Variants in ARHGAP42 observed in about 807,000 individuals in gnomAD.
ARHGAP42 encodes rho GTPase-activating protein 42.
ARHGAP42 carries 63 observed loss-of-function variants against 125.0 expected under a neutral mutation model. The ratio of observed to expected loss-of-function variants is 0.50; its 90% CI spans 0.41 to 0.62. The LOEUF (loss-of-function observed/expected upper bound fraction) is 0.62, where lower values mean the gene tolerates loss of function less well. ARHGAP42 is among the 20% of genes least tolerant of loss of function. The probability of loss-of-function intolerance (pLI) is 0.00; values close to 1 mark genes in which losing one functional copy is unlikely to be tolerated. For missense variants in ARHGAP42, 766 were observed against 1,024.2 expected (o/e 0.75, Z 3.44); for synonymous variants, 339 against 351.0 (o/e 0.97, Z 0.38).
rs869260353 is a variant in ARHGAP42 at position 100,827,002 on chromosome 11, C to CTTTT, written c.312+31857_312+31860dup. 3.4e-3 allele frequency among the ~76,000 whole-genome samples: 271 copies of CTTTT among 80,872 alleles called. 1 individual carries two copies. The highest frequency in any genetic ancestry group is 4.5e-3 in the Non-Finnish European group (199 of 44,146). 53.1% of individuals were successfully genotyped at this position (80,872 alleles called of 152,430 possible). The stretch of plus-strand genomic sequence containing the variant: ...TGAATTTTGTTGTGAGCCTTACATC[C>CTTTT]TTTTTTTTTTTTTTTTTTTTTTTTG... On this transcript the variant is annotated intron_variant, in intron 3 of 23. Coordinates refer to ENST00000298815, the MANE Select transcript of ARHGAP42 (RefSeq NM_152432.4).
rs560522074 is a variant in ARHGAP42, at chr11:100,890,812, G to T, written c.385-22640G>T. On this transcript the variant is annotated intron_variant, in intron 4 of 23. Coordinates refer to ENST00000298815, the MANE Select transcript of ARHGAP42 (RefSeq NM_152432.4). The stretch of plus-strand genomic sequence containing the variant: ...CATAGTCCTTATGGCTGAAGAATGG[G>T]CTATTCTGTTATTATCAAGGATACT... Among the ~76,000 whole-genome samples the T allele has an allele frequency of 2.0e-5, 3 of 152,260 alleles. No homozygotes were observed. The South Asian group carries it at 6.2e-4, about 32-fold the overall frequency.
rs11824512 is a variant in ARHGAP42, at chr11:100,694,997, C to T, written c.154+7165C>T. Among the ~76,000 whole-genome samples the T allele has an allele frequency of 3.1e-3, 470 of 152,354 alleles. 1 individual carries two copies. The highest frequency in any genetic ancestry group is 0.01 in the African/African-American group (418 of 41,584). ...AGTGAGCTGAGATCGCGCCATTGCG[C>T]TCCAGCCTGGTTGACAGAGTGAGAC... On this transcript the variant is annotated intron_variant, in intron 1 of 23. Transcript: ENST00000298815.
intron 21 of ARHGAP42, 24 bp downstream of exon 21, chr11:100,976,995 CTG>C: frequency 6.5e-7 from 1 of 1,550,336 alleles, no homozygotes; most frequent in Non-Finnish European, 8.7e-7. Context: ...TGTATATTTG[CTG>C]TGTCTCCCAG....
rs962055204 is a variant in ARHGAP42 at position 100,820,949 on chromosome 11, T to C, written c.312+25783T>C. On this transcript the variant is annotated intron_variant, in intron 3 of 23. Coordinates refer to ENST00000298815, the MANE Select transcript of ARHGAP42 (RefSeq NM_152432.4). ...TTAAATTAACTGTGGGTCATCTTTT[T>C]TTGTTTGTTTGTTTGTTTGTTTTTG... Among the ~76,000 whole-genome samples, 7 of 99,266 alleles carry C rather than the reference T, an allele frequency of 7.1e-5. 1 individual carries two copies. Among genetic ancestry groups the C allele is most frequent in the Admixed American group, 5.5e-4 (6 of 10,836 alleles). The allele number at this position is 99,266 out of a possible 152,430, so 65.1% of individuals were successfully genotyped here.
chr11:100,751,842 C>T (rs905043913), intron 1 of ARHGAP42, among the ~76,000 whole-genome samples: 1 of 131,654 alleles, frequency 7.6e-6, no homozygotes, highest in Non-Finnish European at 1.5e-5. Context: ...TGCAATGGTG[C>T]GATCTTGGCT....
chr11:100,845,076 G>GATATATAT (rs148986702), intron 3 of ARHGAP42, among the ~76,000 whole-genome samples: 1 of 148,426 alleles, frequency 6.7e-6, no homozygotes, highest in Non-Finnish European at 1.5e-5. Flanking sequence ...AAGAAACTGT[G>GATATATAT]ATATATATAT....
At chr11:100,702,406 C>A (rs1346292768) in intron 1 of ARHGAP42, among the ~76,000 whole-genome samples, 1 of 151,964 alleles carries the variant, frequency 6.6e-6, no homozygotes, top group Non-Finnish European at 1.5e-5. Flanking sequence ...CGTCAAAGAG[C>A]ATTGGTCACA....
rs1317766846 is a variant in ARHGAP42 at position 100,976,061 on chromosome 11, C to T, written c.1860C>T (p.Asp620=). 4 of 1,517,714 alleles carry T rather than the reference C, an allele frequency of 2.6e-6. No individual in the cohort carries two copies. In the South Asian group the frequency reaches 5.1e-5, roughly 19 times the overall value. The allele number at this position is 1,517,714 out of a possible 1,614,324, so 94.0% of individuals were successfully genotyped here. A position where few individuals can be genotyped will look rare whatever the true frequency, so the allele number is the denominator to read the frequency against. ...YTPCLAEPDS[D]SYSSSPDSTP... is the part of the protein sequence containing the mutation. ...TCTCTCCCTCCTACTCCTTAGGTGA[C>T]TCCTATAGCAGCAGCCCAGACAGCA... Residue 620 remains aspartate, a synonymous_variant, in exon 20 of 24, where the codon GAC becomes GAT. Transcript: ENST00000298815.
intron 1 of ARHGAP42, among the ~76,000 whole-genome samples, chr11:100,753,034 C>T (rs1565556200): frequency 6.6e-6 from 1 of 152,116 alleles, no homozygotes; most frequent in Admixed American, 6.5e-5. Flanking sequence ...GGCCGTAGGG[C>T]TCCCAGAAGT....
At chr11:100,696,960 A>G (rs1197325768) in intron 1 of ARHGAP42, among the ~76,000 whole-genome samples, 1 of 152,142 alleles carries the variant, frequency 6.6e-6, no homozygotes, top group Non-Finnish European at 1.5e-5. Flanking sequence ...CTATTTTGTT[A>G]AGAATGGGGA....
At chr11:100,892,654 T>C (rs1866249185) in intron 4 of ARHGAP42, among the ~76,000 whole-genome samples, 1 of 152,180 alleles carries the variant, frequency 6.6e-6, no homozygotes, top group Non-Finnish European at 1.5e-5. Context: ...TCTAGAAAAC[T>C]CTTAAAGAAA....
chr11:100,972,070 C>G (rs537493941), intron 17 of ARHGAP42, among the ~76,000 whole-genome samples: 1 of 152,160 alleles, frequency 6.6e-6, no homozygotes. Flanking sequence ...GTGCTCTCTA[C>G]GGCATAAGGA....
Position 100,992,150 on chromosome 11 carries a change from AATTGTAGTGATACCTTAAATCATGT to A in ARHGAP42, c.*3353_*3377del. On this transcript the variant is annotated 3_prime_UTR_variant, in exon 24 of 24. Coordinates refer to ENST00000298815, the MANE Select transcript of ARHGAP42 (RefSeq NM_152432.4). The stretch of plus-strand genomic sequence containing the variant: ...CAGAGCTTTGCCTCAAGCAATTTCA[AATTGTAGTGATACCTTAAATCATGT>A]ATTCAGGATGCCTTCTTTAGCATTT... 2 of 772,780 alleles carry A rather than the reference AATTGTAGTGATACCTTAAATCATGT, an allele frequency of 2.6e-6. No individual in the cohort carries two copies. Among genetic ancestry groups the A allele is most frequent in the Non-Finnish European group, 4.0e-6 (2 of 499,028 alleles). 47.9% of individuals were successfully genotyped at this position (772,780 alleles called of 1,614,324 possible). A position where few individuals can be genotyped will look rare whatever the true frequency, so the allele number is the denominator to read the frequency against.
At chr11:100,793,351 G>T (rs1031538214) in intron 2 of ARHGAP42, among the ~76,000 whole-genome samples, 2 of 152,200 alleles carry the variant, frequency 1.3e-5, no homozygotes, top group South Asian at 2.1e-4. Context: ...GTCAAAATGG[G>T]AATGTATTAT....
chr11:100,929,362 C>T (rs1941370), intron 6 of ARHGAP42, among the ~76,000 whole-genome samples: 137,415 of 152,228 alleles, frequency 0.9, 62,220 homozygotes, highest in East Asian at 1. Context: ...CCTTTACTGG[C>T]CTGCAGCCCA....
chr11:100,884,813 G>A (rs1179470719), intron 4 of ARHGAP42, among the ~76,000 whole-genome samples: 1 of 152,090 alleles, frequency 6.6e-6, no homozygotes, highest in Non-Finnish European at 1.5e-5. Flanking sequence ...TTCTCCTCCA[G>A]GGTATCTGCA....
intron 12 of ARHGAP42, among the ~76,000 whole-genome samples, chr11:100,951,778 G>T (rs916156767): frequency 3.9e-5 from 6 of 152,104 alleles, no homozygotes; most frequent in Non-Finnish European, 7.4e-5. Flanking sequence ...TTATAAAATG[G>T]TGTGCGTTTC....
intron 3 of ARHGAP42, among the ~76,000 whole-genome samples, chr11:100,799,852 A>G (rs980995056): frequency 1.2e-4 from 18 of 152,236 alleles, no homozygotes; most frequent in African/African-American, 3.4e-4. Context: ...AAGGTGGAAG[A>G]AAAGAAAGAG....
chr11:100,759,804 A>G (rs1862661155), intron 1 of ARHGAP42, among the ~76,000 whole-genome samples: 1 of 152,186 alleles, frequency 6.6e-6, no homozygotes, highest in Admixed American at 6.5e-5. Context: ...ATGCATTTAA[A>G]AAATGCAAAA....
Sources: allele counts gnomAD v4.1 joint callset (sites outside exome capture counted in the v4.1 genomes callset), GRCh38; gene constraint gnomAD v4.1.1; transcripts MANE v1.5; gene names NCBI Gene and HGNC (gene_info 2026-07-23, HGNC 2026-07-21).